EEF1AKMT2: variants seen among roughly 807,000 people sequenced by gnomAD.
EEF1AKMT2 encodes the protein eukaryotic translation elongation factor 1 alpha lysine methyltransferase 2.
EEF1AKMT2 carries 32 observed loss-of-function variants against 35.8 expected under a neutral mutation model. The ratio of observed to expected loss-of-function variants is 0.89; its 90% CI spans 0.67 to 1.20. EEF1AKMT2 has a LOEUF of 1.20. EEF1AKMT2 is among the 50% of genes most tolerant of loss of function. The pLI is 0.00. For missense variants in EEF1AKMT2, 330 were observed against 347.5 expected, an observed-to-expected ratio of 0.95 and a Z score of 0.40; for synonymous variants, 121 against 133.7, an observed-to-expected ratio of 0.91 and a Z score of 0.65.
intron 2 of EEF1AKMT2, among the ~76,000 whole-genome samples, chr10:124,789,588 T>C (rs1331664111): frequency 6.6e-6 from 1 of 151,794 alleles, no homozygotes; most frequent in African/African-American, 2.4e-5. Flanking sequence ...TGAGACCCTG[T>C]CTCTACAAAA....
Position 124,765,431 on chromosome 10 carries a change from T to C in EEF1AKMT2, c.577A>G (p.Asn193Asp), listed in dbSNP as rs139714298. 4.3e-6 allele frequency: 7 copies of C among 1,613,974 alleles called. No individual in the cohort carries two copies. The highest frequency in any genetic ancestry group is 1.3e-5 in the African/African-American group (1 of 75,044). The change falls in exon 5 of 7, where the codon AAT becomes GAT. Residue 193 changes from asparagine to aspartate, a missense_variant. By Grantham distance (23) the Asn-to-Asp change is conservative (BLOSUM62 1). Coordinates refer to ENST00000368836, the MANE Select transcript of EEF1AKMT2 (RefSeq NM_212554.4). ...VKGFFLITSC[N>D]WTKEELLNEF... Reference sequence around the variant, plus strand: ...TTTAGCAACTCTTCCTTGGTCCAATTACATGACGTTATTAGAAAAAAGCCT... The same window carrying C: ...TTTAGCAACTCTTCCTTGGTCCAATCACATGACGTTATTAGAAAAAAGCCT...
At chr10:124,782,949 A>G (rs1248047639) in intron 3 of EEF1AKMT2, 6 of 429,726 alleles carry the variant, frequency 1.4e-5, no homozygotes, top group Non-Finnish European at 2.8e-5. Flanking sequence ...ATAGATAAAA[A>G]TAACTACCAA....
Position 124,762,112 on chromosome 10 carries a change from G to A in EEF1AKMT2, c.875+188C>T, listed in dbSNP as rs528036566. On this transcript the variant is annotated intron_variant, in intron 6 of 6. Coordinates refer to ENST00000368836, the MANE Select transcript of EEF1AKMT2 (RefSeq NM_212554.4). ...ATGTTTTAAGTGATGTATACTGGCC[G>A]GGTGCAATGGCTCAGGCCTCTAATC... is the stretch of plus-strand genomic sequence containing the variant. Among the ~76,000 whole-genome samples the A allele has an allele frequency of 7.9e-5, 12 of 152,188 alleles. No individual in the cohort carries two copies. The South Asian group carries it at 1.0e-3, about 13-fold the overall frequency.
intron 4 of EEF1AKMT2, among the ~76,000 whole-genome samples, chr10:124,766,453 T>C (rs1327682704): frequency 6.6e-6 from 1 of 152,346 alleles, no homozygotes; most frequent in East Asian, 1.9e-4. Flanking sequence ...TCATTCACTG[T>C]TAATAACCTG....
At chr10:124,767,085 C>T (rs1459996101) in intron 4 of EEF1AKMT2, among the ~76,000 whole-genome samples, 9 of 144,668 alleles carry the variant, frequency 6.2e-5, no homozygotes, top group African/African-American at 2.1e-4. Flanking sequence ...GGCGTGAACC[C>T]GGGAGGCAGA....
chr10:124,761,716 GTATTC>G (rs1950332615), intron 6 of EEF1AKMT2, among the ~76,000 whole-genome samples: 1 of 152,152 alleles, frequency 6.6e-6, no homozygotes, highest in Non-Finnish European at 1.5e-5. Flanking sequence ...TTAAGGCTAG[GTATTC>G]AAGACCAGCC....
rs1950314430 is a variant in EEF1AKMT2 at position 124,759,757 on chromosome 10, G to C, written c.*746C>G. ...AATAAGACAACTTAACATAGCGCTAGCAAATAATAACATTCCTTAGTTCTC... is the reference window on the plus strand; with the variant it reads ...AATAAGACAACTTAACATAGCGCTACCAAATAATAACATTCCTTAGTTCTC... On this transcript the variant is annotated 3_prime_UTR_variant, in exon 7 of 7. Coordinates refer to ENST00000368836, the MANE Select transcript of EEF1AKMT2 (RefSeq NM_212554.4). The C allele has an allele frequency of 6.6e-6, 1 of 152,194 alleles. No individual in the cohort carries two copies. The highest frequency in any genetic ancestry group is 6.5e-5 in the Admixed American group (1 of 15,286). The allele number at this position is 152,194 out of a possible 1,614,324, so 9.4% of individuals were successfully genotyped here.
rs764900993 is a variant in EEF1AKMT2 at position 124,791,873 on chromosome 10, A to C, written c.-40T>G. 10 of 1,533,786 alleles carry C rather than the reference A, an allele frequency of 6.5e-6. No individual in the cohort carries two copies. The Admixed American group carries it at 1.4e-4, about 21-fold the overall frequency. On this transcript the variant is annotated 5_prime_UTR_variant, in exon 1 of 7. Transcript: ENST00000368836. ...TGGACGGCCGTTGGGGCCGCCATAG[A>C]GACGGGGCACAGGCAGAGCGGACGA... is the stretch of plus-strand genomic sequence containing the variant.
At chr10:124,769,441 G>A (rs1950409920) in intron 4 of EEF1AKMT2, among the ~76,000 whole-genome samples, 1 of 151,606 alleles carries the variant, frequency 6.6e-6, no homozygotes, top group Admixed American at 6.6e-5. Flanking sequence ...TAAGTTGAGA[G>A]ACTATTAGCT....
intron 4 of EEF1AKMT2, among the ~76,000 whole-genome samples, chr10:124,767,683 A>G (rs2134123988): frequency 6.6e-6 from 1 of 152,194 alleles, no homozygotes; most frequent in South Asian, 2.1e-4. Context: ...AACAGTTTGG[A>G]AAAGAGTAGA....
At chr10:124,771,221 T>A (rs1950431388) in intron 4 of EEF1AKMT2, among the ~76,000 whole-genome samples, 1 of 151,868 alleles carries the variant, frequency 6.6e-6, no homozygotes, top group Non-Finnish European at 1.5e-5. Flanking sequence ...TGCCTCAGCC[T>A]CCCAAGTAGC....
At position 124,762,326 on chromosome 10, in the gene EEF1AKMT2, G is replaced by A. The variant is rs1391239301; in HGVS notation, c.849C>T (p.Tyr283=). 8.4e-7 allele frequency: 1 copy of A among 1,196,350 alleles called. No homozygotes were observed. The highest frequency in any genetic ancestry group is 6.2e-5 in the East Asian group (1 of 16,012). The allele number at this position is 1,196,350 out of a possible 1,614,324, so 74.1% of individuals were successfully genotyped here. Reference sequence around the variant, plus strand: ...AAAATGCCAACGAGGGCCTGGCATGGTATAATCCCAGCACTTTGGGAGGCC... The same window carrying A: ...AAAATGCCAACGAGGGCCTGGCATGATATAATCCCAGCACTTTGGGAGGCC... ...PTWPPKVLGL[Y]HARPSLAF is the part of the protein sequence containing the mutation. Residue 283 remains tyrosine (Y), a synonymous_variant, in exon 6 of 7, where the codon TAC becomes TAT. Transcript: ENST00000368836.
At chr10:124,779,747 CAAAA>C (rs34475748) in intron 3 of EEF1AKMT2, among the ~76,000 whole-genome samples, 2 of 28,174 alleles carry the variant, frequency 7.1e-5, no homozygotes, top group Non-Finnish European at 1.3e-4. Context: ...GACTCCATCT[CAAAA>C]AAAAAAAAAA....
intron 3 of EEF1AKMT2, among the ~76,000 whole-genome samples, chr10:124,777,683 ATTTTTGTT>A (rs895554468): frequency 1.3e-5 from 2 of 151,792 alleles, no homozygotes; most frequent in African/African-American, 2.4e-5. Flanking sequence ...TGCCTGGTTA[ATTTTTGTT>A]TTTTTGTTTT....
At position 124,762,575 on chromosome 10, in the gene EEF1AKMT2, G is replaced by C. The variant is rs1028024291; in HGVS notation, c.617-17C>G. On this transcript the variant is annotated splice_polypyrimidine_tract_variant and intron_variant, in intron 5 of 6. Transcript: ENST00000368836. ...TACTCCAACCTGGGCAACAGAGAGA[G>C]AGACAGACCGTTTCAAAAACAGAAA... 41 of 1,126,874 alleles carry C rather than the reference G, an allele frequency of 3.6e-5. No individual in the cohort carries two copies. Among genetic ancestry groups the C allele is most frequent in the Non-Finnish European group, 4.6e-5 (41 of 895,140 alleles). The allele number at this position is 1,126,874 out of a possible 1,614,324, so 69.8% of individuals were successfully genotyped here. A position where few individuals can be genotyped will look rare whatever the true frequency, so the allele number is the denominator to read the frequency against.
At chr10:124,787,185 T>G (rs901559357) in intron 3 of EEF1AKMT2, among the ~76,000 whole-genome samples, 1 of 152,016 alleles carries the variant, frequency 6.6e-6, no homozygotes, top group African/African-American at 2.4e-5. Flanking sequence ...CCTGACCTTG[T>G]GATCCACCTG....
chr10:124,765,751 T>C, intron 4 of EEF1AKMT2, 143 bp from the exon 5 acceptor site: 2 of 627,932 alleles, frequency 3.2e-6, no homozygotes, highest in South Asian at 4.2e-5. Flanking sequence ...TTTTCAACTT[T>C]ATAGCTAACT....
chr10:124,760,599 G>T, intron 6 of EEF1AKMT2, 96 bp from the exon 7 acceptor site: 1 of 895,352 alleles, frequency 1.1e-6, no homozygotes, highest in South Asian at 1.8e-5. Flanking sequence ...TGAACCCTTT[G>T]TAAAACTATG....
intron 3 of EEF1AKMT2, among the ~76,000 whole-genome samples, chr10:124,780,581 T>C (rs879366276): frequency 2.0e-5 from 3 of 152,052 alleles, no homozygotes; most frequent in Non-Finnish European, 4.4e-5. Flanking sequence ...TTTTAAAAAA[T>C]TGAACCTGTG....
Sources: gnomAD v4.1 joint callset for allele counts (sites outside exome capture counted in the v4.1 genomes callset) on GRCh38, gnomAD v4.1.1 for gene constraint, MANE v1.5 for transcripts, NCBI Gene and HGNC (gene_info 2026-07-23, HGNC 2026-07-21) for gene names.